EVA1A: variants seen among roughly 807,000 people sequenced by gnomAD.
EVA1A encodes the protein eva-1 homolog A, regulator of programmed cell death.
EVA1A carries 7 observed loss-of-function variants against 9.8 expected under a neutral mutation model. That is an observed-to-expected ratio of 0.71 (90% CI 0.41 to 1.34). EVA1A has a LOEUF of 1.34. EVA1A is among the 40% of genes most tolerant of loss of function. The pLI, the probability that EVA1A is intolerant of heterozygous loss-of-function variation, is 0.01. For missense variants in EVA1A, 206 were observed against 205.9 expected, an observed-to-expected ratio of 1.00 and a Z score of 0.00; for synonymous variants, 90 against 85.6, an observed-to-expected ratio of 1.05 and a Z score of -0.28.
intron 3 of EVA1A, among the ~76,000 whole-genome samples, chr2:75,504,336 A>G (rs1305665772): frequency 1.3e-5 from 2 of 152,146 alleles, no homozygotes; most frequent in African/African-American, 2.4e-5. Flanking sequence ...GTTTGAACCC[A>G]GGAGGCAGAG....
intron 1 of EVA1A, among the ~76,000 whole-genome samples, chr2:75,538,987 T>G (rs1676016663): frequency 6.6e-6 from 1 of 152,200 alleles, no homozygotes; most frequent in Non-Finnish European, 1.5e-5. Context: ...ATGTCATCAC[T>G]GGGGAAACTA....
intron 1 of EVA1A, among the ~76,000 whole-genome samples, chr2:75,527,519 C>A (rs545529372): frequency 1.3e-5 from 2 of 152,264 alleles, no homozygotes; most frequent in East Asian, 1.9e-4. Context: ...CACATGGGAT[C>A]CAGAACTCCC....
chr2:75,515,604 A>G (rs1309896708), intron 3 of EVA1A, among the ~76,000 whole-genome samples: 1 of 152,210 alleles, frequency 6.6e-6, no homozygotes, highest in Non-Finnish European at 1.5e-5. Flanking sequence ...ATCAGGCAAA[A>G]CAAAAACAAA....
intron 3 of EVA1A, among the ~76,000 whole-genome samples, chr2:75,500,761 C>G (rs970481781): frequency 4.8e-4 from 72 of 151,560 alleles, no homozygotes; most frequent in African/African-American, 1.7e-3. Context: ...TCAACCTTCC[C>G]CTTTCTGCCT....
chr2:75,498,330 A>AG (rs1572943316), intron 3 of EVA1A, among the ~76,000 whole-genome samples: 1 of 22,080 alleles, frequency 4.5e-5, no homozygotes, highest in Non-Finnish European at 8.4e-5. Flanking sequence ...GGACTATTAG[A>AG]GGGGGAGGGT....
At chr2:75,558,086 C>T (rs1218980472) in intron 1 of EVA1A, among the ~76,000 whole-genome samples, 1 of 152,208 alleles carries the variant, frequency 6.6e-6, no homozygotes. Flanking sequence ...CCTCTCTGTG[C>T]CTCTGTTTCT....
chr2:75,518,213 T>C lies in EVA1A; in HGVS notation c.-68-5A>G. 1 of 1,582,126 alleles carries C rather than the reference T, an allele frequency of 6.3e-7. No homozygotes were observed. Among genetic ancestry groups the C allele is most frequent in the Non-Finnish European group, 8.6e-7 (1 of 1,166,472 alleles). On this transcript the variant is annotated splice_region_variant and splice_polypyrimidine_tract_variant and intron_variant, in intron 2 of 3. Coordinates refer to ENST00000393913, the MANE Select transcript of EVA1A (RefSeq NM_001135032.2). ...GGCCACTCTCCTTCTTCTCTTCTGT[T>C]TGGGAACATAAAGTGAGTGATAAGA...
At position 75,518,093 on chromosome 2, in the gene EVA1A, C is replaced by T; in HGVS notation, c.48G>A (p.Leu16=). ...AATAGGCCGCTAGGATGTTGCTGAG[C>T]AAAGCCATCTCCACGTGCTCTGGGC... is the stretch of plus-strand genomic sequence containing the variant. ...SHSPEHVEMA[L]LSNILAAYSF... is the part of the protein sequence containing the mutation. The change falls in exon 3 of 4, where the codon TTG becomes TTA. Residue 16 remains leucine (L), a synonymous_variant. Coordinates refer to ENST00000393913, the MANE Select transcript of EVA1A (RefSeq NM_001135032.2). 2 of 1,614,144 alleles carry T rather than the reference C, an allele frequency of 1.2e-6. No individual in the cohort carries two copies. Among genetic ancestry groups the T allele is most frequent in the Non-Finnish European group, 1.7e-6 (2 of 1,180,014 alleles).
chr2:75,525,310 C>A (rs1317048524), intron 1 of EVA1A, among the ~76,000 whole-genome samples: 3 of 152,156 alleles, frequency 2.0e-5, no homozygotes, highest in Non-Finnish European at 4.4e-5. Context: ...GCTCAACCTC[C>A]ACTGTGGTTT....
chr2:75,519,399 A>G (rs774374368), intron 2 of EVA1A, among the ~76,000 whole-genome samples: 4 of 152,164 alleles, frequency 2.6e-5, no homozygotes, highest in Admixed American at 6.5e-5. Context: ...AGGTAAATAG[A>G]ATGGGCTATA....
chr2:75,502,298 A>G (rs1372942941), intron 3 of EVA1A, among the ~76,000 whole-genome samples: 2 of 152,140 alleles, frequency 1.3e-5, no homozygotes, highest in South Asian at 4.1e-4. Context: ...AGAGACTCCT[A>G]TGTTCCCTAC....
chr2:75,537,608 T>C (rs779869442), intron 1 of EVA1A, among the ~76,000 whole-genome samples: 2 of 152,194 alleles, frequency 1.3e-5, no homozygotes, highest in Admixed American at 6.5e-5. Context: ...ATGGACATTG[T>C]CCTTCCAAAT....
At chr2:75,537,499 C>T (rs937355979) in intron 1 of EVA1A, among the ~76,000 whole-genome samples, 5 of 152,202 alleles carry the variant, frequency 3.3e-5, no homozygotes, top group Admixed American at 6.5e-5. Flanking sequence ...AAAAGACACA[C>T]AGATGAGAAA....
chr2:75,531,035 T>C (rs1038691747), intron 1 of EVA1A, among the ~76,000 whole-genome samples: 4 of 152,182 alleles, frequency 2.6e-5, no homozygotes, highest in Non-Finnish European at 4.4e-5. Flanking sequence ...CTAGAACTGA[T>C]AAATGAATTC....
chr2:75,538,448 A>G (rs117643945), intron 1 of EVA1A, among the ~76,000 whole-genome samples: 3 of 152,370 alleles, frequency 2.0e-5, no homozygotes, highest in East Asian at 3.9e-4. Flanking sequence ...AGAATGAAAT[A>G]CAGTCCTGCA....
chr2:75,500,425 C>G (rs1185205490), intron 3 of EVA1A, among the ~76,000 whole-genome samples: 2 of 152,146 alleles, frequency 1.3e-5, no homozygotes, highest in Non-Finnish European at 2.9e-5. Context: ...TTTCCCAACA[C>G]CCGTAGCTAT....
chr2:75,521,503 C>G (rs1407551474), intron 2 of EVA1A, among the ~76,000 whole-genome samples: 2 of 152,122 alleles, frequency 1.3e-5, no homozygotes, highest in Admixed American at 1.3e-4. Flanking sequence ...TTACGCACAG[C>G]CTTAAAAAGG....
At chr2:75,525,468 GC>G (rs1417791428) in intron 1 of EVA1A, among the ~76,000 whole-genome samples, 3 of 152,190 alleles carry the variant, frequency 2.0e-5, no homozygotes, top group African/African-American at 7.2e-5. Flanking sequence ...TGGTAAGGTG[GC>G]CATAGTGAAA....
chr2:75,530,089 T>C (rs1315768139), intron 1 of EVA1A, among the ~76,000 whole-genome samples: 2 of 151,866 alleles, frequency 1.3e-5, no homozygotes, highest in Non-Finnish European at 2.9e-5. Context: ...ACAATAGAAA[T>C]ACAAAGGATC....
Sources: allele counts gnomAD v4.1 joint callset (sites outside exome capture counted in the v4.1 genomes callset), GRCh38; gene constraint gnomAD v4.1.1; transcripts MANE v1.5; gene names NCBI Gene and HGNC (gene_info 2026-07-23, HGNC 2026-07-21).